The following RAI2 variants were observed in gnomAD, a reference collection of about 807,000 sequenced individuals.
The protein encoded by RAI2 is retinoic acid induced 2, also known as retinoic acid-induced protein 2.
A neutral mutation model predicts 15.3 loss-of-function variants in RAI2; 5 were observed. That is an observed-to-expected ratio of 0.33 (90% confidence interval 0.17 to 0.69). RAI2 has a LOEUF of 0.69. RAI2 is among the 30% of genes least tolerant of loss of function. The pLI, the probability that RAI2 is intolerant of heterozygous loss-of-function variation, is 0.69. For synonymous variants in RAI2, 191 were observed against 184.0 expected, an observed-to-expected ratio of 1.04 and a Z score of -0.31; for missense variants, 424 against 424.7, an observed-to-expected ratio of 1.00 and a Z score of 0.01.
intron 1 of RAI2, among the ~76,000 whole-genome samples, chrX:17,820,640 C>A (rs951801765): frequency 1.8e-5 from 2 of 111,886 alleles, no homozygotes; most frequent in African/African-American, 3.3e-5. Context: ...CAAGCCTGCA[C>A]ACATATCCTG....
At chrX:17,849,996 T>C (rs1221436359) in intron 1 of RAI2, among the ~76,000 whole-genome samples, 2 of 111,981 alleles carry the variant, frequency 1.8e-5, no homozygotes, top group East Asian at 5.6e-4. Context: ...TTTGGAAATC[T>C]CCCCTCATAT....
At chrX:17,820,395 G>C (rs1393590237) in intron 1 of RAI2, among the ~76,000 whole-genome samples, 1 of 112,186 alleles carries the variant, frequency 8.9e-6, no homozygotes, top group East Asian at 2.8e-4. Flanking sequence ...CTGTGGGAGA[G>C]ACTTCAAAGT....
intron 1 of RAI2, among the ~76,000 whole-genome samples, chrX:17,817,073 T>C (rs1489257786): frequency 1.8e-5 from 2 of 111,469 alleles, no homozygotes; most frequent in Non-Finnish European, 3.8e-5. Flanking sequence ...GGAAAAACCA[T>C]TTGGGGCTTT....
intron 1 of RAI2, among the ~76,000 whole-genome samples, chrX:17,826,935 T>C (rs1895688345): frequency 8.9e-6 from 1 of 112,558 alleles, no homozygotes; most frequent in Admixed American, 9.4e-5. Flanking sequence ...CTTTATAAAT[T>C]ACCCAGTCTC....
At chrX:17,830,130 C>CT (rs1007586943) in intron 1 of RAI2, among the ~76,000 whole-genome samples, 1 of 112,462 alleles carries the variant, frequency 8.9e-6, no homozygotes, top group African/African-American at 3.2e-5. Context: ...AGAATGAAAA[C>CT]TGAGGTTAGA....
intron 1 of RAI2, among the ~76,000 whole-genome samples, chrX:17,822,561 T>C (rs1315663056): frequency 2.7e-5 from 3 of 112,070 alleles, no homozygotes; most frequent in Non-Finnish European, 5.6e-5. Flanking sequence ...ACTGCAGAAA[T>C]TATGACTCAA....
intron 1 of RAI2, among the ~76,000 whole-genome samples, chrX:17,809,981 A>C (rs1193513365): frequency 9.2e-6 from 1 of 109,147 alleles, no homozygotes; most frequent in Non-Finnish European, 1.9e-5. Flanking sequence ...TATGGTACCC[A>C]GGCTGGTCTT....
At chrX:17,837,855 A>G (rs1231095205) in intron 1 of RAI2, 3 of 112,404 alleles carry the variant, frequency 2.7e-5, no homozygotes, top group Non-Finnish European at 5.6e-5. Context: ...CTACATATGG[A>G]CACAAAAAGA....
At chrX:17,829,221 G>A (rs751965863) in intron 1 of RAI2, among the ~76,000 whole-genome samples, 12 of 101,590 alleles carry the variant, frequency 1.2e-4, no homozygotes, top group Non-Finnish European at 2.2e-4. Context: ...ATGAATACAT[G>A]TGCAATCCAG....
At chrX:17,815,260 T>TTCCC (rs2067093160) in intron 1 of RAI2, among the ~76,000 whole-genome samples, 1 of 111,329 alleles carries the variant, frequency 9.0e-6, no homozygotes, top group Non-Finnish European at 1.9e-5. Context: ...AGGTATTATT[T>TTCCC]CCTATTTTAT....
At chrX:17,844,952 A>G (rs1362130928) in intron 1 of RAI2, among the ~76,000 whole-genome samples, 1 of 112,637 alleles carries the variant, frequency 8.9e-6, no homozygotes, top group African/African-American at 3.2e-5. Flanking sequence ...ATAATTTTTA[A>G]CACATCTCCC....
chrX:17,800,825 C>G lies in RAI2; in HGVS notation c.1186G>C (p.Ala396Pro), dbSNP rs780099808. ...FAPATSHEAP[A>P]MMDSHISSSD... Reference sequence around the variant, plus strand: ...CTGCTGATGTGACTATCCATCATGGCTGGGGCCTCATGGGACGTGGCAGGG... The same window carrying G: ...CTGCTGATGTGACTATCCATCATGGGTGGGGCCTCATGGGACGTGGCAGGG... Residue 396 changes from alanine (A) to proline (P), a missense_variant, in exon 2 of 2, where the codon GCC becomes CCC. Physicochemically the swap from Ala to Pro is conservative, Grantham distance 27. Coordinates refer to ENST00000451717, the MANE Select transcript of RAI2 (RefSeq NM_021785.6). 1.7e-6 allele frequency: 2 copies of G among 1,211,723 alleles called. No individual in the cohort carries two copies. Among genetic ancestry groups the G allele is most frequent in the Non-Finnish European group, 2.2e-6 (2 of 895,456 alleles).
chrX:17,855,173 G>A (rs933790637), intron 1 of RAI2, among the ~76,000 whole-genome samples: 20 of 111,843 alleles, frequency 1.8e-4, no homozygotes, highest in African/African-American at 5.2e-4. Context: ...TTATGTCCTT[G>A]CTCTTGTTCT....
chrX:17,814,586 G>T (rs1452281939), intron 1 of RAI2, among the ~76,000 whole-genome samples: 1 of 108,776 alleles, frequency 9.2e-6, no homozygotes, highest in Non-Finnish European at 1.9e-5. Context: ...CCCCTGTGAA[G>T]AAGACACTCC....
intron 1 of RAI2, among the ~76,000 whole-genome samples, chrX:17,846,559 G>C (rs1188173185): frequency 4.5e-5 from 5 of 112,056 alleles, no homozygotes; most frequent in Non-Finnish European, 9.4e-5. Flanking sequence ...TTTTGTTTTT[G>C]TCCCCAGAAT....
At chrX:17,857,213 A>C (rs1486481341) in intron 1 of RAI2, among the ~76,000 whole-genome samples, 3 of 111,406 alleles carry the variant, frequency 2.7e-5, no homozygotes, top group African/African-American at 9.8e-5. Flanking sequence ...GAAGAGTGCA[A>C]TTAGCCATCT....
intron 1 of RAI2, among the ~76,000 whole-genome samples, chrX:17,817,593 C>G (rs1233035246): frequency 8.9e-6 from 1 of 112,533 alleles, no homozygotes; most frequent in Non-Finnish European, 1.9e-5. Flanking sequence ...CCTGGAGCCC[C>G]ACAGCTGCTC....
chrX:17,857,014 C>A (rs1013495015), intron 1 of RAI2, among the ~76,000 whole-genome samples: 1 of 111,212 alleles, frequency 9.0e-6, no homozygotes, highest in Non-Finnish European at 1.9e-5. Context: ...CATTGTGAGC[C>A]ATGAAGGAAA....
intron 1 of RAI2, among the ~76,000 whole-genome samples, chrX:17,846,173 C>T (rs2067453701): frequency 8.9e-6 from 1 of 112,261 alleles, no homozygotes. Context: ...GATGCCAGTT[C>T]AGGTGGAAGT....
Sources: allele counts gnomAD v4.1 joint callset (sites outside exome capture counted in the v4.1 genomes callset), GRCh38; gene constraint gnomAD v4.1.1; transcripts MANE v1.5; gene names NCBI Gene and HGNC (gene_info 2026-07-23, HGNC 2026-07-21).